TTC21A: variants seen among roughly 807,000 people sequenced by gnomAD.
The protein encoded by TTC21A is tetratricopeptide repeat domain 21A.
Under a neutral mutation model 156.4 loss-of-function variants are expected in TTC21A, and 128 were observed. The observed-to-expected ratio is 0.82, with a 90% CI of 0.71 to 0.95. The LOEUF (loss-of-function observed/expected upper bound fraction) is 0.95, where lower values mean the gene tolerates loss of function less well. TTC21A is among the 40% of genes least tolerant of loss of function. The pLI, the probability that TTC21A is intolerant of heterozygous loss-of-function variation, is 0.00. For synonymous variants in TTC21A, 587 were observed against 617.1 expected (o/e 0.95, Z 0.72); for missense variants, 1,435 against 1,602.3 (o/e 0.90, Z 1.78).
chr3:39,111,161 G>A, intron 4 of TTC21A, 144 bp downstream of exon 4: 1 of 831,658 alleles, frequency 1.2e-6, no homozygotes, highest in Non-Finnish European at 1.8e-6. Context: ...TCTCACAGTT[G>A]CCCCACGCGT....
rs576355497 is a variant in TTC21A at position 39,126,059 on chromosome 3, C to T, written c.1393-202C>T. Among the ~76,000 whole-genome samples, 312 of 152,308 alleles carry T rather than the reference C, an allele frequency of 2.0e-3. 1 individual carries two copies. The highest frequency in any genetic ancestry group is 7.1e-3 in the African/African-American group (294 of 41,566). Reference sequence around the variant, plus strand: ...GCATTACTACATGCCAGATACCATTCTCGGTACTGGGGACACAACAGTGAA... The same window carrying T: ...GCATTACTACATGCCAGATACCATTTTCGGTACTGGGGACACAACAGTGAA... On this transcript the variant is annotated intron_variant, in intron 11 of 28. Transcript: ENST00000683103.
chr3:39,136,749 A>G lies in TTC21A; in HGVS notation c.3096-150A>G. On this transcript the variant is annotated intron_variant, in intron 23 of 28. Coordinates refer to ENST00000683103, the MANE Select transcript of TTC21A (RefSeq NM_001366900.1). ...GGCCACCAGCCTGCATCCAACACAC[A>G]GGTCCGACGCCCGCATCTCCTCCAG... is the stretch of plus-strand genomic sequence containing the variant. 4 of 1,097,288 alleles carry G rather than the reference A, an allele frequency of 3.6e-6. No individual in the cohort carries two copies. In the South Asian group the frequency reaches 4.7e-5, roughly 13 times the overall value. 68.0% of individuals were successfully genotyped at this position (1,097,288 alleles called of 1,614,324 possible).
Position 39,129,094 on chromosome 3 carries a change from A to C in TTC21A, c.1919A>C (p.Gln640Pro). 1 of 1,614,264 alleles carries C rather than the reference A, an allele frequency of 6.2e-7. No individual in the cohort carries two copies. The highest frequency in any genetic ancestry group is 8.5e-7 in the Non-Finnish European group (1 of 1,180,040). ...GELHEATKVMQDTINEFGGTP... is the reference protein window; with the variant it reads ...GELHEATKVMPDTINEFGGTP... ...TAGCATGAGGCCACCAAGGTCATGC[A>C]GGACACCATCAATGAGTTCGGTGGC... The change falls in exon 15 of 29, where the codon CAG (glutamine) becomes CCG (proline). Residue 640 changes from glutamine (Q) to proline (P), a missense_variant. Transcript: ENST00000683103.
intron 20 of TTC21A, 123 bp downstream of exon 20, chr3:39,133,363 T>G: frequency 9.8e-7 from 1 of 1,023,842 alleles, no homozygotes; most frequent in South Asian, 1.7e-5. Flanking sequence ...ACAGATATGA[T>G]GGGCATGGGA....
intron 26 of TTC21A, 173 bp downstream of exon 26, chr3:39,137,883 G>GGCGAT (rs1463102466): frequency 5.6e-6 from 4 of 712,760 alleles, no homozygotes; most frequent in Non-Finnish European, 7.0e-6. Context: ...GAGGATCAAG[G>GGCGAT]GCGATGGACC....
intron 14 of TTC21A, 42 bp downstream of exon 14, chr3:39,128,974 C>T (rs748133544): frequency 8.1e-6 from 13 of 1,610,486 alleles, no homozygotes; most frequent in Non-Finnish European, 1.1e-5. Context: ...CTGGGGCACA[C>T]TGGAGGCTCA....
intron 19 of TTC21A, 136 bp from the exon 20 acceptor site, chr3:39,132,916 G>A (rs1224468338): frequency 1.1e-6 from 1 of 929,314 alleles, no homozygotes; most frequent in East Asian, 2.6e-5. Context: ...TGCCTATTCA[G>A]AGTGACCCAA....
chr3:39,133,960 C>T (rs1006027287), intron 20 of TTC21A, among the ~76,000 whole-genome samples: 4 of 152,152 alleles, frequency 2.6e-5, no homozygotes, highest in African/African-American at 4.8e-5. Flanking sequence ...GCTCTCAGAG[C>T]AGTGAGGCCA....
rs982432701 is a variant in TTC21A, at chr3:39,125,454, C to T, written c.1314C>T (p.Gly438=). 6.2e-7 allele frequency: 1 copy of T among 1,614,080 alleles called. No individual in the cohort carries two copies. The highest frequency in any genetic ancestry group is 1.3e-5 in the African/African-American group (1 of 75,048). The change falls in exon 11 of 29, where the codon GGC becomes GGT. Residue 438 remains glycine (G), a synonymous_variant. Coordinates refer to ENST00000683103, the MANE Select transcript of TTC21A (RefSeq NM_001366900.1). ...CCAGCATGCAAGGCATCCCTCTTGG[C>T]TCTGAGTACTTTGAAAAGCTGGACC... The part of the protein sequence containing the change: ...HFSSMQGIPL[G]SEYFEKLDPY...
chr3:39,113,046 GTGAACCTCATGGAAT>G, intron 5 of TTC21A, among the ~76,000 whole-genome samples: 1 of 151,780 alleles, frequency 6.6e-6, no homozygotes, highest in African/African-American at 2.4e-5. Flanking sequence ...TTTTTCTCTT[GTGAACCTCATGGAAT>G]TAATCTTTGA....
At chr3:39,125,220 C>T in intron 10 of TTC21A, 60 bp downstream of exon 10, 1 of 1,533,188 alleles carries the variant, frequency 6.5e-7, no homozygotes, top group Non-Finnish European at 9.0e-7. Flanking sequence ...GTCCTCCCAC[C>T]CCCACTTTCC....
chr3:39,118,975 C>T (rs1236581144), intron 7 of TTC21A: 1 of 152,052 alleles, frequency 6.6e-6, no homozygotes, highest in Non-Finnish European at 1.5e-5. Flanking sequence ...AGGCCCCAGC[C>T]CTTTTCGTCT....
chr3:39,111,497 G>A (rs1485165163), intron 4 of TTC21A, among the ~76,000 whole-genome samples: 1 of 152,144 alleles, frequency 6.6e-6, no homozygotes, highest in Non-Finnish European at 1.5e-5. Flanking sequence ...TCCCTGTAAT[G>A]CTCTGCTGGA....
Position 39,126,186 on chromosome 3 carries a change from A to G in TTC21A, c.1393-75A>G, listed in dbSNP as rs190925784. Reference sequence around the variant, plus strand: ...GAAGCAAAATTCCTTCACTGAGAGCATTTTCTGAGAGCTCCAGGAGTCTCT... The same window carrying G: ...GAAGCAAAATTCCTTCACTGAGAGCGTTTTCTGAGAGCTCCAGGAGTCTCT... On this transcript the variant is annotated intron_variant, in intron 11 of 28. Transcript: ENST00000683103. 3.2e-6 allele frequency: 5 copies of G among 1,574,996 alleles called. No homozygotes were observed. The Admixed American group carries it at 8.8e-5, about 28-fold the overall frequency.
intron 8 of TTC21A, among the ~76,000 whole-genome samples, chr3:39,120,310 C>T (rs541569247): frequency 1.3e-5 from 2 of 152,256 alleles, no homozygotes; most frequent in African/African-American, 4.8e-5. Context: ...TTGGGGAAAG[C>T]GGGTGGTATT....
chr3:39,136,659 A>G, intron 23 of TTC21A, 152 bp downstream of exon 23: 1 of 1,105,140 alleles, frequency 9.0e-7, no homozygotes, highest in Non-Finnish European at 1.3e-6. Flanking sequence ...CAGGGGTGGA[A>G]CCCTGTGGAA....
chr3:39,120,880 T>C (rs1302903647), intron 8 of TTC21A, 117 bp from the exon 9 acceptor site: 3 of 869,640 alleles, frequency 3.4e-6, no homozygotes, highest in Non-Finnish European at 5.3e-6. Context: ...CGGTACCTCT[T>C]GGCTCTCCTG....
At chr3:39,124,458 GAGACC>G (rs2038036298) in intron 9 of TTC21A, among the ~76,000 whole-genome samples, 1 of 151,996 alleles carries the variant, frequency 6.6e-6, no homozygotes, top group Non-Finnish European at 1.5e-5. Flanking sequence ...TCAGGAGTTA[GAGACC>G]AGCCTGGCCA....
chr3:39,109,570 T>C (rs868698820), intron 2 of TTC21A, among the ~76,000 whole-genome samples: 1 of 152,024 alleles, frequency 6.6e-6, no homozygotes, highest in African/African-American at 2.4e-5. Flanking sequence ...GTGGGTATGG[T>C]ACAGGTACAG....
Sources: allele counts gnomAD v4.1 joint callset (sites outside exome capture counted in the v4.1 genomes callset), GRCh38; gene constraint gnomAD v4.1.1; transcripts MANE v1.5; gene names NCBI Gene and HGNC (gene_info 2026-07-23, HGNC 2026-07-21).